PIP5K1A: variants seen among roughly 807,000 people sequenced by gnomAD.
PIP5K1A encodes phosphatidylinositol-4-phosphate 5-kinase type 1 alpha, also known as phosphatidylinositol 4-phosphate 5-kinase type-1 alpha.
Under a neutral mutation model 72.9 loss-of-function variants are expected in PIP5K1A, and 46 were observed. The ratio of observed to expected loss-of-function variants is 0.63; its 90% confidence interval spans 0.50 to 0.81. PIP5K1A has a LOEUF of 0.81. PIP5K1A is among the 30% of genes least tolerant of loss of function. PIP5K1A has a pLI of 0.00. For missense variants in PIP5K1A, 458 were observed against 706.1 expected, an observed-to-expected ratio of 0.65 and a Z score of 3.98; for synonymous variants, 228 against 255.1, an observed-to-expected ratio of 0.89 and a Z score of 1.01.
chr1:151,221,534 T>C (rs1688395494), intron 1 of PIP5K1A, among the ~76,000 whole-genome samples: 1 of 151,942 alleles, frequency 6.6e-6, no homozygotes, highest in African/African-American at 2.4e-5. Context: ...CCTTTGAGAG[T>C]TTTGCCTTAG....
At chr1:151,208,428 T>C (rs1369064808) in intron 1 of PIP5K1A, among the ~76,000 whole-genome samples, 16 of 151,334 alleles carry the variant, frequency 1.1e-4, no homozygotes, top group Non-Finnish European at 7.4e-5. Context: ...TGGTGCAATC[T>C]TGGGTCACTG....
chr1:151,241,376 C>T (rs1691671963), intron 12 of PIP5K1A, among the ~76,000 whole-genome samples: 1 of 151,086 alleles, frequency 6.6e-6, no homozygotes, highest in Non-Finnish European at 1.5e-5. Context: ...TGGTGGTGGG[C>T]TCCTGTAGTC....
chr1:151,198,254 C>G (rs1034395571), upstream of PIP5K1A: 8 of 363,130 alleles, frequency 2.2e-5, no homozygotes, highest in Admixed American at 3.0e-4. Flanking sequence ...CACCAGTACT[C>G]CCGCAGAGAG....
In PIP5K1A at chr1:151,234,394, C is replaced by T. The variant is rs61744400; in HGVS notation, c.837C>T (p.Pro279=). The change falls in exon 8 of 16, where the codon CCC becomes CCT. Residue 279 remains proline, a synonymous_variant. Coordinates refer to ENST00000368888, the MANE Select transcript of PIP5K1A (RefSeq NM_001135638.2). Reference sequence around the variant, plus strand: ...AGAAAGAGCGAGAGAAGCCTCTTCCCACATTTAAAGACCTAGACTTCTTAC... The same window carrying T: ...AGAAAGAGCGAGAGAAGCCTCTTCCTACATTTAAAGACCTAGACTTCTTAC... ...ASQKEREKPL[P]TFKDLDFLQD... is the part of the protein sequence containing the mutation. 2,395 of 1,613,910 alleles carry T rather than the reference C, an allele frequency of 1.5e-3. 3 individuals carry two copies. The highest frequency in any genetic ancestry group is 1.9e-3 in the Non-Finnish European group (2,228 of 1,179,766).
rs985420378 is a variant in PIP5K1A, at chr1:151,236,627, C to T, written c.1009C>T (p.Arg337Ter). ...MSIHNIDHAQ[R>*]EPLSSETQYS... The stretch of plus-strand genomic sequence containing the variant: ...AATCCATAATATAGATCATGCACAA[C>T]GAGAGCCCTTAAGCAGTGAAACACA... Residue 337 changes from arginine (R) to a stop codon, truncating the protein, a stop_gained, in exon 9 of 16, where the codon CGA becomes TGA. Coordinates refer to ENST00000368888, the MANE Select transcript of PIP5K1A (RefSeq NM_001135638.2). LOFTEE classifies it high-confidence loss of function. 4 of 1,612,770 alleles carry T rather than the reference C, an allele frequency of 2.5e-6. No homozygotes were observed. The highest frequency in any genetic ancestry group is 1.3e-5 in the African/African-American group (1 of 74,764).
At chr1:151,197,849 C>G (rs1010210901), upstream of PIP5K1A, 2 of 332,166 alleles carry the variant, frequency 6.0e-6, no homozygotes, top group South Asian at 2.3e-5. Context: ...TTGTTAAAAA[C>G]GAGCAGTTAC....
intron 4 of PIP5K1A, among the ~76,000 whole-genome samples, chr1:151,230,019 C>T (rs374515233): frequency 2.0e-5 from 3 of 152,092 alleles, no homozygotes; most frequent in South Asian, 2.1e-4. Flanking sequence ...ACCAGGGAGG[C>T]GGAGCTTGCA....
rs587692078 is a variant in PIP5K1A, at chr1:151,209,292, A to G, written c.85+10211A>G. On this transcript the variant is annotated intron_variant, in intron 1 of 15. Coordinates refer to ENST00000368888, the MANE Select transcript of PIP5K1A (RefSeq NM_001135638.2). ...CTTGCTTTTTTTCTTTCCCCCGCCC[A>G]AGACAGAGTCTTGCTCTGTCGCCCA... Among the ~76,000 whole-genome samples the G allele has an allele frequency of 4.4e-3, 670 of 151,164 alleles. 6 individuals carry two copies. Among genetic ancestry groups the G allele is most frequent in the Middle Eastern group, 0.014 (4 of 288 alleles).
rs369896869 is a variant in PIP5K1A at position 151,225,071 on chromosome 1, A to T, written c.156+665A>T. Among the ~76,000 whole-genome samples, 33 of 152,294 alleles carry T rather than the reference A, an allele frequency of 2.2e-4. 1 individual carries two copies. Among genetic ancestry groups the T allele is most frequent in the African/African-American group, 7.9e-4 (33 of 41,550 alleles). The stretch of plus-strand genomic sequence containing the variant: ...GACATCCAGCCAGTCACGGTTGCTC[A>T]TGCTTGTAATCCTAACACTTTGGGA... On this transcript the variant is annotated intron_variant, in intron 3 of 15. Coordinates refer to ENST00000368888, the MANE Select transcript of PIP5K1A (RefSeq NM_001135638.2).
upstream of PIP5K1A, among the ~76,000 whole-genome samples, chr1:151,195,924 T>C (rs993462919): frequency 2.0e-5 from 2 of 99,092 alleles, no homozygotes; most frequent in African/African-American, 7.7e-5. Context: ...AGACGGAGTC[T>C]CGCTCTGTCG....
chr1:151,210,118 A>G (rs1305724524), intron 1 of PIP5K1A, among the ~76,000 whole-genome samples: 3 of 151,802 alleles, frequency 2.0e-5, no homozygotes, highest in East Asian at 1.9e-4. Flanking sequence ...TCCTGACCTC[A>G]GGTGATCTGC....
At chr1:151,246,290 T>TA (rs1381111271) in intron 14 of PIP5K1A, among the ~76,000 whole-genome samples, 1 of 152,164 alleles carries the variant, frequency 6.6e-6, no homozygotes, top group Non-Finnish European at 1.5e-5. Flanking sequence ...GTACCTTAGC[T>TA]GGATGCCTTT....
At chr1:151,198,338 G>T (rs1243658491), upstream of PIP5K1A, among the ~76,000 whole-genome samples, 1 of 152,044 alleles carries the variant, frequency 6.6e-6, no homozygotes, top group Admixed American at 6.6e-5. Context: ...ACTCGACCCA[G>T]TCCTAGCAAA....
chr1:151,211,610 C>T (rs1015890765), intron 1 of PIP5K1A, among the ~76,000 whole-genome samples: 4 of 151,518 alleles, frequency 2.6e-5, no homozygotes, highest in African/African-American at 9.7e-5. Flanking sequence ...TCCTGGCTAA[C>T]ATGGTGAAAC....
chr1:151,195,854 T>C (rs1431640861), upstream of PIP5K1A, among the ~76,000 whole-genome samples: 3 of 139,436 alleles, frequency 2.2e-5, no homozygotes, highest in Non-Finnish European at 3.1e-5. Flanking sequence ...AATTTTAAAA[T>C]CAGAAACAGC....
At chr1:151,221,056 T>A (rs1328835764) in intron 1 of PIP5K1A, among the ~76,000 whole-genome samples, 1 of 152,226 alleles carries the variant, frequency 6.6e-6, no homozygotes, top group Non-Finnish European at 1.5e-5. Context: ...TTTTTTCTAA[T>A]CAACACCCAA....
chr1:151,239,033 A>G, intron 10 of PIP5K1A, 97 bp from the exon 11 acceptor site: 1 of 844,496 alleles, frequency 1.2e-6, no homozygotes, highest in Non-Finnish European at 2.0e-6. Flanking sequence ...TGTCTTTTCA[A>G]GATTTTCTAT....
intron 1 of PIP5K1A, among the ~76,000 whole-genome samples, chr1:151,215,026 CTTTT>C (rs981508990): frequency 8.7e-6 from 1 of 115,084 alleles, no homozygotes; most frequent in African/African-American, 3.3e-5. Flanking sequence ...CCTGTGCATT[CTTTT>C]TTTTTTTTTT....
rs368478257 is a variant in PIP5K1A at position 151,238,201 on chromosome 1, C to T, written c.1165C>T (p.Arg389Trp). The T allele has an allele frequency of 1.5e-5, 24 of 1,612,074 alleles. No individual in the cohort carries two copies. Among genetic ancestry groups the T allele is most frequent in the African/African-American group, 9.4e-5 (7 of 74,824 alleles). ...TDDHMGGIPARNSKGERLLLY... is the reference protein window; with the variant it reads ...TDDHMGGIPAWNSKGERLLLY... Reference sequence around the variant, plus strand: ...TTCCAGTATGGGTGGCATCCCTGCCCGGAATAGTAAAGGGGAAAGGCTTCT... The same window carrying T: ...TTCCAGTATGGGTGGCATCCCTGCCTGGAATAGTAAAGGGGAAAGGCTTCT... The change falls in exon 10 of 16, where the codon CGG (arginine) becomes TGG (tryptophan). Residue 389 changes from arginine (R) to tryptophan (W), a missense_variant. Coordinates refer to ENST00000368888, the MANE Select transcript of PIP5K1A (RefSeq NM_001135638.2).
Sources: gnomAD v4.1 joint callset for allele counts (sites outside exome capture counted in the v4.1 genomes callset) on GRCh38, gnomAD v4.1.1 for gene constraint, MANE v1.5 for transcripts, NCBI Gene and HGNC (gene_info 2026-07-23, HGNC 2026-07-21) for gene names.